The following PI4KA variants were observed in gnomAD, a reference collection of about 807,000 sequenced individuals.
The protein encoded by PI4KA is PI4-kinase alpha.
Under a neutral mutation model 271.4 loss-of-function variants are expected in PI4KA, and 122 were observed. That is an observed-to-expected ratio of 0.45 (90% CI 0.39 to 0.52). PI4KA has a LOEUF of 0.52. Among genes scored for constraint, PI4KA ranks in the 20% least tolerant of loss-of-function variants. The pLI is 0.00. For synonymous variants in PI4KA, 1,041 were observed against 1,078.8 expected (o/e 0.96, Z 0.69); for missense variants, 1,969 against 2,769.1 (o/e 0.71, Z 6.48).
intron 39 of PI4KA, among the ~76,000 whole-genome samples, chr22:20,729,000 G>T (rs1568961201): frequency 6.6e-6 from 1 of 152,212 alleles, no homozygotes; most frequent in Non-Finnish European, 1.5e-5. Flanking sequence ...CACCTGCCAG[G>T]AGTGACAGCC....
chr22:20,742,313 A>T lies in PI4KA; in HGVS notation c.3656T>A (p.Leu1219His). The change falls in exon 32 of 55, where the codon CTC becomes CAC. Residue 1219 changes from leucine (L) to histidine (H), a missense_variant. Physicochemically the swap from Leu to His is moderately conservative, Grantham distance 99. Around this residue, in one of 13 missense-constraint regions of PI4KA, gnomAD observed 203 missense variants for 256.8 expected, o/e 0.79. Coordinates refer to ENST00000255882, the MANE Select transcript of PI4KA (RefSeq NM_058004.4). ...CATGCCATGCTCATTGAACATCCGGAGGGGACCCCAGCACAGATGATGAAG... is the reference window on the plus strand; with the variant it reads ...CATGCCATGCTCATTGAACATCCGGTGGGGACCCCAGCACAGATGATGAAG... ...QLLHHLCWGP[L>H]RMFNEHGMET... 1 of 1,614,160 alleles carries T rather than the reference A, an allele frequency of 6.2e-7. No homozygotes were observed.
intron 43 of PI4KA, among the ~76,000 whole-genome samples, chr22:20,720,705 G>A (rs1387879316): frequency 6.6e-6 from 1 of 152,182 alleles, no homozygotes; most frequent in Non-Finnish European, 1.5e-5. Flanking sequence ...GAAGTGGAAC[G>A]AGAATGAGAA....
intron 3 of PI4KA, among the ~76,000 whole-genome samples, chr22:20,825,117 GAA>G (rs1244713972): frequency 6.9e-6 from 1 of 144,432 alleles, no homozygotes; most frequent in Admixed American, 7.0e-5. Flanking sequence ...TTGAATCAAG[GAA>G]AAAAGAGTAT....
rs192380635 is a variant in PI4KA at position 20,769,648 on chromosome 22, G to A, written c.2329-3955C>T. 1.6e-3 allele frequency among the ~76,000 whole-genome samples: 233 copies of A among 143,860 alleles called. 3 individuals are homozygous for A. Among genetic ancestry groups the A allele is most frequent in the Admixed American group, 0.015 (205 of 13,882 alleles). 94.4% of individuals were successfully genotyped at this position (143,860 alleles called of 152,430 possible). On this transcript the variant is annotated intron_variant, in intron 19 of 54. Coordinates refer to ENST00000255882, the MANE Select transcript of PI4KA (RefSeq NM_058004.4). ...TGCGCCACTGCACTGCAGCCTGGGC[G>A]ACAGAGCGAGACGCCATTTCAAAAA...
chr22:20,747,190 C>A (rs1177582644), intron 29 of PI4KA, among the ~76,000 whole-genome samples: 1 of 152,196 alleles, frequency 6.6e-6, no homozygotes, highest in Non-Finnish European at 1.5e-5. Context: ...GGTTCAGCAC[C>A]TGCAGAAAAC....
At chr22:20,855,599 T>C (rs1043756043) in intron 1 of PI4KA, among the ~76,000 whole-genome samples, 20 of 152,210 alleles carry the variant, frequency 1.3e-4, no homozygotes, top group Non-Finnish European at 1.5e-4. Context: ...GGGCTGCCTG[T>C]AGAAACCCAT....
chr22:20,811,804 G>C (rs896615531), intron 8 of PI4KA, among the ~76,000 whole-genome samples: 2 of 151,936 alleles, frequency 1.3e-5, no homozygotes, highest in Non-Finnish European at 2.9e-5. Flanking sequence ...ATGAGGTCAG[G>C]AGATCGAGAC....
chr22:20,746,609 GC>G (rs1010617288), intron 29 of PI4KA, among the ~76,000 whole-genome samples: 2 of 152,172 alleles, frequency 1.3e-5, no homozygotes, highest in Non-Finnish European at 2.9e-5. Flanking sequence ...TATGAGTTCC[GC>G]CTCTGGCCTC....
intron 6 of PI4KA, among the ~76,000 whole-genome samples, 153 bp from the exon 7 acceptor site, chr22:20,818,702 C>T (rs1922171113): frequency 6.6e-6 from 1 of 152,222 alleles, no homozygotes; most frequent in Non-Finnish European, 1.5e-5. Flanking sequence ...ACAGCTACAG[C>T]ATTCTCTACT....
chr22:20,726,727 C>A (rs1927392757), intron 41 of PI4KA, among the ~76,000 whole-genome samples, 186 bp from the exon 42 acceptor site: 1 of 152,250 alleles, frequency 6.6e-6, no homozygotes, highest in Non-Finnish European at 1.5e-5. Flanking sequence ...GTAAAAGGAG[C>A]AAGGCTCCCG....
intron 23 of PI4KA, among the ~76,000 whole-genome samples, chr22:20,759,050 T>G (rs998894409): frequency 6.7e-6 from 1 of 149,868 alleles, no homozygotes; most frequent in African/African-American, 2.5e-5. Flanking sequence ...GGCATTTTTT[T>G]GTTTGTTTGT....
At chr22:20,710,971 C>G (rs1475937473) in intron 51 of PI4KA, 113 bp from the exon 52 acceptor site, 2 of 1,188,784 alleles carry the variant, frequency 1.7e-6, no homozygotes, top group South Asian at 1.2e-5. Flanking sequence ...CCCTCCACCC[C>G]CAACAGGCAG....
chr22:20,810,602 G>GAGC, intron 9 of PI4KA, among the ~76,000 whole-genome samples: 1 of 152,150 alleles, frequency 6.6e-6, no homozygotes, highest in East Asian at 1.9e-4. Flanking sequence ...GAGCCCAGAG[G>GAGC]AGCAGCTTTG....
rs1198309644 is a variant in PI4KA, at chr22:20,810,587, G to A, written c.1071+380C>T. Among the ~76,000 whole-genome samples, 3 of 152,022 alleles carry A rather than the reference G, an allele frequency of 2.0e-5. No homozygotes were observed. The East Asian group carries it at 5.8e-4, about 29-fold the overall frequency. On this transcript the variant is annotated intron_variant, in intron 9 of 54. Transcript: ENST00000255882. ...ACTTGCATACGCCTAGAAAAGTGTA[G>A]CTCTGAGCCCAGAGGAGCAGCTTTG...
chr22:20,851,398 G>A (rs1371879974), intron 1 of PI4KA, among the ~76,000 whole-genome samples: 3 of 151,972 alleles, frequency 2.0e-5, no homozygotes, highest in Non-Finnish European at 4.4e-5. Context: ...CTGGAGTGCC[G>A]TGGTGCAATC....
chr22:20,785,987 T>C lies in PI4KA; in HGVS notation c.2328+7206A>G, dbSNP rs550680068. 106 of 1,614,178 alleles carry C rather than the reference T, an allele frequency of 6.6e-5. 1 individual carries two copies. In the South Asian group the frequency reaches 1.0e-3, roughly 16 times the overall value. On this transcript the variant is annotated intron_variant, in intron 19 of 54. Transcript: ENST00000255882. The stretch of plus-strand genomic sequence containing the variant: ...GTGGTTCAATAAAACTGGGCCCCCC[T>C]TTCCTTTTCTGTCTAGAACTCGAGA...
At chr22:20,717,958 C>G in intron 44 of PI4KA, 180 bp from the exon 45 acceptor site, 1 of 613,404 alleles carries the variant, frequency 1.6e-6, no homozygotes, top group Non-Finnish European at 3.0e-6. Flanking sequence ...CATGGAGAAT[C>G]CCCGACAGCC....
intron 19 of PI4KA, chr22:20,780,145 T>TG (rs747562174): frequency 4.3e-6 from 7 of 1,614,232 alleles, no homozygotes; most frequent in Non-Finnish European, 5.1e-6. Context: ...AAAGATGCTC[T>TG]GGAGAATATA....
rs375564834 is a variant in PI4KA at position 20,831,523 on chromosome 22, G to A, written c.367+3039C>T. ...GCGGAGGTTGTAGTGACCCAAGATC[G>A]CACCACTGCACTCCAGCCTGAGTGA... On this transcript the variant is annotated intron_variant, in intron 3 of 54. Coordinates refer to ENST00000255882, the MANE Select transcript of PI4KA (RefSeq NM_058004.4). Among the ~76,000 whole-genome samples the A allele has an allele frequency of 1.7e-4, 26 of 152,128 alleles. No homozygotes were observed. The South Asian group carries it at 2.9e-3, about 17-fold the overall frequency.
Sources: gnomAD v4.1 joint callset for allele counts (sites outside exome capture counted in the v4.1 genomes callset) on GRCh38, gnomAD v4.1.1 for gene constraint, gnomAD v4.1.1 regional missense constraint, MANE v1.5 for transcripts, NCBI Gene and HGNC (gene_info 2026-07-23, HGNC 2026-07-21) for gene names.